SMARCA5: variants seen among roughly 807,000 people sequenced by gnomAD.
The protein encoded by SMARCA5 is SNF2 related chromatin remodeling ATPase 5, also known as SWI/SNF-related matrix-associated actin-dependent regulator of chromatin subfamily A member 5.
A neutral mutation model predicts 140.4 loss-of-function variants in SMARCA5; 18 were observed. The observed-to-expected ratio is 0.13, with a 90% CI of 0.09 to 0.19. The LOEUF (loss-of-function observed/expected upper bound fraction) is 0.19, where lower values mean the gene tolerates loss of function less well. Among genes scored for constraint, SMARCA5 ranks in the 10% least tolerant of loss-of-function variants. SMARCA5 has a pLI of 1.00. For synonymous variants in SMARCA5, 449 were observed against 419.6 expected (o/e 1.07, Z -0.86); for missense variants, 606 against 1,276.8 (o/e 0.47, Z 8.01).
intron 2 of SMARCA5, among the ~76,000 whole-genome samples, chr4:143,520,274 T>C (rs1311940943): frequency 1.3e-5 from 2 of 152,230 alleles, no homozygotes; most frequent in Non-Finnish European, 1.5e-5. Flanking sequence ...ATGTAAAATA[T>C]GCATTCACAT....
At chr4:143,527,216 T>A (rs1010979525) in intron 6 of SMARCA5, among the ~76,000 whole-genome samples, 22 of 152,206 alleles carry the variant, frequency 1.4e-4, no homozygotes, top group African/African-American at 5.1e-4. Flanking sequence ...AATAATGACA[T>A]TAGTATATAA....
intron 9 of SMARCA5, among the ~76,000 whole-genome samples, chr4:143,532,790 A>T (rs147094728): frequency 1.3e-5 from 2 of 151,084 alleles, no homozygotes. Flanking sequence ...CCCAGAATTT[A>T]TGGGTTGACT....
rs554934892 is a variant in SMARCA5 at position 143,523,334 on chromosome 4, C to T, written c.420-1033C>T. ...GAGCCACTGTGCCTGGCCAGGAATA[C>T]GTTTTTTTTTTAAGTCATTCACGAT... On this transcript the variant is annotated intron_variant, in intron 3 of 23. Transcript: ENST00000283131. Among the ~76,000 whole-genome samples, 29 of 140,896 alleles carry T rather than the reference C, an allele frequency of 2.1e-4. No homozygotes were observed. The South Asian group carries it at 3.3e-3, about 16-fold the overall frequency. 92.4% of individuals were successfully genotyped at this position (140,896 alleles called of 152,430 possible).
chr4:143,544,113 T>C (rs1437656787), intron 16 of SMARCA5, 141 bp downstream of exon 16: 3 of 494,054 alleles, frequency 6.1e-6, no homozygotes, highest in Non-Finnish European at 1.0e-5. Flanking sequence ...TTTTCATCAT[T>C]ATGTAAAATT....
rs1446129785 is a variant in SMARCA5, at chr4:143,554,309, A to G, written c.*1125A>G. ...AGATTGGGTACATAAACAGTTCTCCATTTTTCTAAGGGAATGCAATAAATG... is the reference window on the plus strand; with the variant it reads ...AGATTGGGTACATAAACAGTTCTCCGTTTTTCTAAGGGAATGCAATAAATG... On this transcript the variant is annotated 3_prime_UTR_variant, in exon 24 of 24. Transcript: ENST00000283131. The G allele has an allele frequency of 1.3e-5, 2 of 152,082 alleles. No individual in the cohort carries two copies. Among genetic ancestry groups the G allele is most frequent in the Non-Finnish European group, 2.9e-5 (2 of 68,010 alleles). 9.4% of individuals were successfully genotyped at this position (152,082 alleles called of 1,614,324 possible). A position where few individuals can be genotyped will look rare whatever the true frequency, so the allele number is the denominator to read the frequency against.
At chr4:143,540,536 C>G in intron 14 of SMARCA5, 41 bp downstream of exon 14, 1 of 1,568,192 alleles carries the variant, frequency 6.4e-7, no homozygotes, top group Non-Finnish European at 8.6e-7. Context: ...GTTGGATTGA[C>G]ACAACCTGTT....
At chr4:143,530,436 T>A in intron 8 of SMARCA5, 22 bp from the exon 9 acceptor site, 1 of 1,552,006 alleles carries the variant, frequency 6.4e-7, no homozygotes, top group East Asian at 2.3e-5. Context: ...GATCTGAGTA[T>A]ATTTTTTGTT....
intron 2 of SMARCA5, among the ~76,000 whole-genome samples, chr4:143,517,911 T>G (rs1474375323): frequency 6.6e-6 from 1 of 152,212 alleles, no homozygotes; most frequent in Non-Finnish European, 1.5e-5. Context: ...TATGGAATAC[T>G]ATAACTTCCA....
chr4:143,557,063 ATT>A lies in SMARCA5; in HGVS notation c.*3880_*3881del, dbSNP rs1485144141. On this transcript the variant is annotated 3_prime_UTR_variant, in exon 24 of 24. Coordinates refer to ENST00000283131, the MANE Select transcript of SMARCA5 (RefSeq NM_003601.4). ...GGGTCTACATTCTTTGTTACCACAG[ATT>A]CCCTTGTGTCCGGAGAGATTCCCTA... 5 of 152,208 alleles carry A rather than the reference ATT, an allele frequency of 3.3e-5. No individual in the cohort carries two copies. The highest frequency in any genetic ancestry group is 7.3e-5 in the Non-Finnish European group (5 of 68,046). The allele number at this position is 152,208 out of a possible 1,614,324, so 9.4% of individuals were successfully genotyped here.
In SMARCA5 at chr4:143,548,402, T is replaced by A. The variant is rs181536609; in HGVS notation, c.2985+262T>A. 7.2e-4 allele frequency among the ~76,000 whole-genome samples: 110 copies of A among 152,166 alleles called. 1 individual carries two copies. Among genetic ancestry groups the A allele is most frequent in the African/African-American group, 2.5e-3 (103 of 41,560 alleles). Reference sequence around the variant, plus strand: ...GGAAGTATCAGTTTCAACTTCTGAGTGTTACGACTTTTTGGTTTTTCAAAT... The same window carrying A: ...GGAAGTATCAGTTTCAACTTCTGAGAGTTACGACTTTTTGGTTTTTCAAAT... On this transcript the variant is annotated intron_variant, in intron 22 of 23. Transcript: ENST00000283131.
At position 143,513,763 on chromosome 4, in the gene SMARCA5, C is replaced by T. The variant is rs983611642; in HGVS notation, c.-162C>T. The T allele has an allele frequency of 2.7e-6, 2 of 751,114 alleles. No homozygotes were observed. Among genetic ancestry groups the T allele is most frequent in the Non-Finnish European group, 4.2e-6 (2 of 476,514 alleles). 46.5% of individuals were successfully genotyped at this position (751,114 alleles called of 1,614,324 possible). ...GTTTGGGAGTGTGCAGCTCCTGGGC[C>T]CGGCTCAGGCCCGTCGCGGAGGCGC... is the stretch of plus-strand genomic sequence containing the variant. On this transcript the variant is annotated 5_prime_UTR_variant, in exon 1 of 24. Transcript: ENST00000283131.
intron 1 of SMARCA5, among the ~76,000 whole-genome samples, chr4:143,515,083 C>T (rs1212556768): frequency 1.3e-5 from 2 of 152,070 alleles, no homozygotes; most frequent in East Asian, 3.9e-4. Flanking sequence ...TTTTGTGAGT[C>T]GGAGCCCAAA....
rs536437437 is a variant in SMARCA5, at chr4:143,530,629, A to C, written c.1158+103A>C. ...CTGTTAATAAAAAACACAATGGCTT[A>C]AGAATCAGATCTGCTTGAATTCTGA... On this transcript the variant is annotated intron_variant, in intron 9 of 23. Coordinates refer to ENST00000283131, the MANE Select transcript of SMARCA5 (RefSeq NM_003601.4). 2.8e-4 allele frequency: 207 copies of C among 727,136 alleles called. 1 individual carries two copies. In the South Asian group the frequency reaches 3.5e-3, roughly 12 times the overall value. The allele number at this position is 727,136 out of a possible 1,614,324, so 45.0% of individuals were successfully genotyped here.
At chr4:143,540,171 T>C (rs1488801176) in intron 13 of SMARCA5, among the ~76,000 whole-genome samples, 192 bp from the exon 14 acceptor site, 2 of 152,230 alleles carry the variant, frequency 1.3e-5, no homozygotes, top group East Asian at 3.8e-4. Flanking sequence ...GTATATTGTT[T>C]GGAGACATTA....
chr4:143,531,775 T>C (rs566046404), intron 9 of SMARCA5, among the ~76,000 whole-genome samples: 2 of 152,324 alleles, frequency 1.3e-5, no homozygotes, highest in South Asian at 2.1e-4. Context: ...TCTGTAAACA[T>C]TGTGGTAATT....
At position 143,545,935 on chromosome 4, in the gene SMARCA5, A is replaced by G. The variant is rs1737514978; in HGVS notation, c.2408A>G (p.Asn803Ser). 8.7e-6 allele frequency: 14 copies of G among 1,604,238 alleles called. No homozygotes were observed. The highest frequency in any genetic ancestry group is 1.1e-5 in the Non-Finnish European group (13 of 1,177,110). Reference protein sequence around the residue: ...RKTIGYKVPRNPELPNAAQAQ... With the variant: ...RKTIGYKVPRSPELPNAAQAQ... Reference sequence around the variant, plus strand: ...AAAAATATCTTTTAGGTACCTCGAAATCCTGAGCTGCCTAATGCAGCACAG... The same window carrying G: ...AAAAATATCTTTTAGGTACCTCGAAGTCCTGAGCTGCCTAATGCAGCACAG... The change falls in exon 19 of 24, where the codon AAT becomes AGT. Residue 803 changes from asparagine to serine, a missense_variant. By Grantham distance (46) the Asn-to-Ser change is conservative. Coordinates refer to ENST00000283131, the MANE Select transcript of SMARCA5 (RefSeq NM_003601.4).
intron 8 of SMARCA5, 133 bp downstream of exon 8, chr4:143,528,847 T>C (rs1737125383): frequency 1.4e-6 from 1 of 698,604 alleles, no homozygotes; most frequent in Non-Finnish European, 2.2e-6. Context: ...ATTTACATAG[T>C]TAGCCTGGTG....
In SMARCA5 at chr4:143,538,872, T is replaced by C. The variant is rs1392360072; in HGVS notation, c.1704T>C (p.Leu568=). ...STRAGGLGIN[L]ATADVVILYD... ...GTGCTGGTGGTCTTGGCATCAATCT[T>C]GCGACTGCTGATGTAGTAATTTTGT... The change falls in exon 13 of 24, where the codon CTT becomes CTC. Residue 568 remains leucine, a synonymous_variant. Coordinates refer to ENST00000283131, the MANE Select transcript of SMARCA5 (RefSeq NM_003601.4). 3.1e-6 allele frequency: 5 copies of C among 1,613,982 alleles called. No homozygotes were observed. The highest frequency in any genetic ancestry group is 3.4e-6 in the Non-Finnish European group (4 of 1,179,988).
At position 143,513,953 on chromosome 4, in the gene SMARCA5, C is replaced by T. The variant is rs1736760822; in HGVS notation, c.29C>T (p.Pro10Leu). Residue 10 changes from proline to leucine, a missense_variant, in exon 1 of 24, where the codon CCC becomes CTC. This residue lies in a region of SMARCA5 where 164 missense variants were observed against 128.4 expected (regional missense o/e 1.28). Coordinates refer to ENST00000283131, the MANE Select transcript of SMARCA5 (RefSeq NM_003601.4). MSSAAEPPP[P>L]PPPESAPSKP... ...TCGTCCGCGGCCGAGCCTCCGCCACCCCCGCCTCCCGAGAGCGCGCCTTCC... is the reference window on the plus strand; with the variant it reads ...TCGTCCGCGGCCGAGCCTCCGCCACTCCCGCCTCCCGAGAGCGCGCCTTCC... 1 of 1,551,066 alleles carries T rather than the reference C, an allele frequency of 6.4e-7. No individual in the cohort carries two copies. The highest frequency in any genetic ancestry group is 8.7e-7 in the Non-Finnish European group (1 of 1,155,464).
Sources: allele counts gnomAD v4.1 joint callset (sites outside exome capture counted in the v4.1 genomes callset), GRCh38; gene constraint gnomAD v4.1.1; regional missense constraint gnomAD v4.1.1; transcripts MANE v1.5; gene names NCBI Gene and HGNC (gene_info 2026-07-23, HGNC 2026-07-21).